Variants in STAB2 observed in about 807,000 individuals in gnomAD.
The protein encoded by STAB2 is stabilin-2.
Under a neutral mutation model 338.1 loss-of-function variants are expected in STAB2, and 288 were observed. The observed-to-expected ratio is 0.85, with a 90% confidence interval of 0.77 to 0.94. The LOEUF is 0.94. Ranked by LOEUF, STAB2 falls within the 40% of genes least tolerant of loss-of-function variation. STAB2 has a pLI of 0.00. For missense variants in STAB2, 3,141 were observed against 3,210.1 expected (o/e 0.98, Z 0.52); for synonymous variants, 1,202 against 1,193.3 (o/e 1.01, Z -0.15).
At position 103,594,423 on chromosome 12, in the gene STAB2, C is replaced by A; in HGVS notation, c.244C>A (p.Leu82Met). ...CACCTTTGAGGTCAGAACATACTCT[C>A]TGTCTCTCCCCGGATGCCGCCATAT... ...RYTFEVRTYS[L>M]SLPGCRHICR... The change falls in exon 3 of 69, where the codon CTG (leucine) becomes ATG (methionine). Residue 82 changes from leucine (L) to methionine (M), a missense_variant. By Grantham distance (15) the Leu-to-Met change is conservative. Coordinates refer to ENST00000388887, the MANE Select transcript of STAB2 (RefSeq NM_017564.10). 1 of 1,613,930 alleles carries A rather than the reference C, an allele frequency of 6.2e-7. No individual in the cohort carries two copies. The highest frequency in any genetic ancestry group is 8.5e-7 in the Non-Finnish European group (1 of 1,179,846).
chr12:103,614,015 C>T (rs1185572325), intron 3 of STAB2, among the ~76,000 whole-genome samples: 1 of 152,118 alleles, frequency 6.6e-6, no homozygotes. Context: ...GCTTATTTCT[C>T]TACCTTCTTG....
At chr12:103,713,306 G>T (rs1276092561) in intron 41 of STAB2, among the ~76,000 whole-genome samples, 1 of 152,148 alleles carries the variant, frequency 6.6e-6, no homozygotes, top group Non-Finnish European at 1.5e-5. Flanking sequence ...GTCCTGGCAG[G>T]CTTTGGTCCA....
chr12:103,752,944 A>G (rs2139194436), intron 60 of STAB2, among the ~76,000 whole-genome samples: 1 of 152,352 alleles, frequency 6.6e-6, no homozygotes, highest in East Asian at 1.9e-4. Context: ...CCATGGAGTA[A>G]TGATTATTTC....
At chr12:103,746,971 T>TTC (rs1566071354) in intron 58 of STAB2, among the ~76,000 whole-genome samples, 2 of 120,300 alleles carry the variant, frequency 1.7e-5, no homozygotes, top group East Asian at 2.1e-4. Context: ...TTTTTTTTTT[T>TTC]CCGAGATGGA....
At chr12:103,604,287 T>A (rs1956994729) in intron 3 of STAB2, among the ~76,000 whole-genome samples, 1 of 152,144 alleles carries the variant, frequency 6.6e-6, no homozygotes, top group South Asian at 2.1e-4. Flanking sequence ...TTAAAAATTT[T>A]GTGTCTGTAC....
intron 63 of STAB2, among the ~76,000 whole-genome samples, chr12:103,756,975 C>A (rs1411305215): frequency 1.6e-5 from 2 of 123,020 alleles, no homozygotes; most frequent in African/African-American, 3.0e-5. Flanking sequence ...CTCTGGGCCT[C>A]AGTAGCCCAG....
rs145544098 is a variant in STAB2, at chr12:103,638,116, G to A, written c.810G>A (p.Gly270=). The part of the protein sequence containing the change: ...HSCTCQEGYR[G]DGQVCLPVDP... ...GTACATGCCAAGAAGGCTACCGTGGGGATGGCCAAGTGTGCTTGCCTGTGG... is the reference window on the plus strand; with the variant it reads ...GTACATGCCAAGAAGGCTACCGTGGAGATGGCCAAGTGTGCTTGCCTGTGG... The change falls in exon 8 of 69, where the codon GGG becomes GGA. Residue 270 remains glycine (G), a synonymous_variant. Transcript: ENST00000388887. 815 of 1,614,182 alleles carry A rather than the reference G, an allele frequency of 5.0e-4. 7 individuals carry two copies. In the East Asian group the frequency reaches 0.014, roughly 28 times the overall value.
rs766289938 is a variant in STAB2, at chr12:103,692,881, A to G, written c.3367A>G (p.Ile1123Val). 1.9e-6 allele frequency: 3 copies of G among 1,613,092 alleles called. No homozygotes were observed. The highest frequency in any genetic ancestry group is 1.7e-6 in the Non-Finnish European group (2 of 1,179,192). The change falls in exon 31 of 69, where the codon ATC becomes GTC. Residue 1123 changes from isoleucine (I) to valine (V), a missense_variant. Coordinates refer to ENST00000388887, the MANE Select transcript of STAB2 (RefSeq NM_017564.10). ...NAATNGVIHIINKVLVPQRRL... is the reference protein window; with the variant it reads ...NAATNGVIHIVNKVLVPQRRL... ...AGCCACAAATGGAGTGATACACATCATCAACAAGGTACAAGATTCCATTCT... is the reference window on the plus strand; with the variant it reads ...AGCCACAAATGGAGTGATACACATCGTCAACAAGGTACAAGATTCCATTCT...
Position 103,733,064 on chromosome 12 carries a change from GGCCCACCGACCAA to G in STAB2, c.5347_5359del (p.Thr1783SerfsTer21), listed in dbSNP as rs1326855022. 2.5e-6 allele frequency: 4 copies of G among 1,614,020 alleles called. No homozygotes were observed. Among genetic ancestry groups the G allele is most frequent in the Non-Finnish European group, 1.7e-6 (2 of 1,180,002 alleles). On this transcript the variant is annotated frameshift_variant, in exon 51 of 69. Transcript: ENST00000388887. LOFTEE classifies it high-confidence loss of function. ...ATCCACACCCCAGTCACTCTCTTCTGGCCCACCGACCAAGCCCTCCATGCCCTACCTGCTGAAC... is the reference window on the plus strand; with the variant it reads ...ATCCACACCCCAGTCACTCTCTTCTGGCCCTCCATGCCCTACCTGCTGAAC...
chr12:103,725,831 A>T (rs1881155667), intron 45 of STAB2, among the ~76,000 whole-genome samples: 1 of 152,224 alleles, frequency 6.6e-6, no homozygotes, highest in Non-Finnish European at 1.5e-5. Context: ...GATTTTTTTT[A>T]AATATTTGAA....
chr12:103,643,939 C>T (rs1341058048), intron 9 of STAB2, among the ~76,000 whole-genome samples: 3 of 91,070 alleles, frequency 3.3e-5, no homozygotes, highest in Non-Finnish European at 4.8e-5. Flanking sequence ...GGCCAGCCGC[C>T]CCGTCCGGGA....
chr12:103,587,305 C>A lies in STAB2; in HGVS notation c.-172C>A. On this transcript the variant is annotated 5_prime_UTR_variant, in exon 1 of 69. The change creates a new upstream start codon in the 5' untranslated region. Coordinates refer to ENST00000388887, the MANE Select transcript of STAB2 (RefSeq NM_017564.10). ...CTCCTGGATTTGCCATTTTTCCTTT[C>A]TGAAGGCAGGTCTCACCTATCTCCT... The A allele has an allele frequency of 1.6e-6, 1 of 612,448 alleles. No homozygotes were observed. The highest frequency in any genetic ancestry group is 2.8e-6 in the Non-Finnish European group (1 of 352,304). The allele number at this position is 612,448 out of a possible 1,614,324, so 37.9% of individuals were successfully genotyped here.
Position 103,730,134 on chromosome 12 carries a change from A to C in STAB2, c.5101A>C (p.Asn1701His). ...ATTTCAGAGCACGGTGTATATAAAC[A>C]ATAAGGCTAAGATCATATCCAGTGA... Reference protein sequence around the residue: ...SVSQSTVYINNKAKIISSDII... With the variant: ...SVSQSTVYINHKAKIISSDII... The change falls in exon 49 of 69, where the codon AAT becomes CAT. Residue 1701 changes from asparagine to histidine, a missense_variant. By Grantham distance (68) the Asn-to-His change is moderately conservative (BLOSUM62 1). Coordinates refer to ENST00000388887, the MANE Select transcript of STAB2 (RefSeq NM_017564.10). 6.2e-7 allele frequency: 1 copy of C among 1,605,402 alleles called. No individual in the cohort carries two copies. Among genetic ancestry groups the C allele is most frequent in the Non-Finnish European group, 8.5e-7 (1 of 1,176,880 alleles).
At chr12:103,726,605 A>G (rs1593289484) in intron 46 of STAB2, among the ~76,000 whole-genome samples, 1 of 152,224 alleles carries the variant, frequency 6.6e-6, no homozygotes, top group Non-Finnish European at 1.5e-5. Flanking sequence ...TTTCTACATA[A>G]GAATGTAGTA....
chr12:103,616,077 G>T (rs991365113), intron 3 of STAB2, among the ~76,000 whole-genome samples: 3 of 152,146 alleles, frequency 2.0e-5, no homozygotes, highest in African/African-American at 7.2e-5. Context: ...ACCCTTAGAG[G>T]AACACCTGCC....
At chr12:103,683,881 G>A (rs1455785083) in intron 26 of STAB2, among the ~76,000 whole-genome samples, 1 of 152,208 alleles carries the variant, frequency 6.6e-6, no homozygotes, top group Admixed American at 6.5e-5. Context: ...AATCAATGAA[G>A]TCTGATGCCT....
intron 3 of STAB2, among the ~76,000 whole-genome samples, chr12:103,605,638 G>A (rs1957016819): frequency 6.6e-6 from 1 of 151,774 alleles, no homozygotes; most frequent in South Asian, 2.1e-4. Flanking sequence ...CATGTACTTT[G>A]AAAATCTCTT....
At chr12:103,676,795 A>G (rs944808231) in intron 24 of STAB2, among the ~76,000 whole-genome samples, 1 of 152,086 alleles carries the variant, frequency 6.6e-6, no homozygotes, top group African/African-American at 2.4e-5. Flanking sequence ...TGCATTGTCC[A>G]CTCACAGCCA....
intron 25 of STAB2, among the ~76,000 whole-genome samples, chr12:103,681,251 C>T (rs906646881): frequency 3.3e-5 from 5 of 152,006 alleles, no homozygotes; most frequent in South Asian, 2.1e-4. Context: ...TAAATAATTG[C>T]ATTCATTTTT....
Sources: allele counts gnomAD v4.1 joint callset (sites outside exome capture counted in the v4.1 genomes callset), GRCh38; gene constraint gnomAD v4.1.1; transcripts MANE v1.5; gene names NCBI Gene and HGNC (gene_info 2026-07-23, HGNC 2026-07-21).